Variants in ADAM32 observed in about 807,000 individuals in gnomAD.
ADAM32 encodes the protein ADAM metallopeptidase domain 32, also known as disintegrin and metalloproteinase domain-containing protein 32.
Under a neutral mutation model 114.9 loss-of-function variants are expected in ADAM32, and 89 were observed. The ratio of observed to expected loss-of-function variants is 0.77; its 90% CI spans 0.65 to 0.92. The LOEUF (loss-of-function observed/expected upper bound fraction) is 0.92. Among genes scored for constraint, ADAM32 ranks in the 40% least tolerant of loss-of-function variants. The pLI, the probability that ADAM32 is intolerant of heterozygous loss-of-function variation, is 0.00. For missense variants in ADAM32, 870 were observed against 932.8 expected, an observed-to-expected ratio of 0.93 and a Z score of 0.88; for synonymous variants, 285 against 307.5, an observed-to-expected ratio of 0.93 and a Z score of 0.77.
At chr8:39,156,941 T>C (rs1168739923) in intron 6 of ADAM32, among the ~76,000 whole-genome samples, 1 of 152,220 alleles carries the variant, frequency 6.6e-6, no homozygotes, top group Non-Finnish European at 1.5e-5. Context: ...TGAATTTTAC[T>C]GGGATACCAT....
intron 10 of ADAM32, 119 bp from the exon 11 acceptor site, chr8:39,186,790 C>T (rs1806269573): frequency 1.2e-6 from 1 of 833,620 alleles, no homozygotes; most frequent in African/African-American, 1.7e-5. Context: ...TTCAAGGATC[C>T]ATATCTCCCT....
intron 12 of ADAM32, among the ~76,000 whole-genome samples, chr8:39,215,537 C>G (rs182921203): frequency 6.6e-6 from 1 of 151,864 alleles, no homozygotes; most frequent in African/African-American, 2.4e-5. Flanking sequence ...TATAAACATA[C>G]CTTTTAGTAC....
intron 1 of ADAM32, among the ~76,000 whole-genome samples, chr8:39,113,663 A>T (rs536267696): frequency 6.6e-6 from 1 of 152,208 alleles, no homozygotes; most frequent in South Asian, 2.1e-4. Flanking sequence ...CTTCTACCAC[A>T]TTCTGGCATG....
chr8:39,129,072 CAT>C (rs1225783338), intron 2 of ADAM32, among the ~76,000 whole-genome samples: 2 of 150,174 alleles, frequency 1.3e-5, no homozygotes, highest in African/African-American at 4.9e-5. Flanking sequence ...GTTTATTAAT[CAT>C]GTGTCTTGCC....
intron 20 of ADAM32, among the ~76,000 whole-genome samples, chr8:39,272,551 T>C (rs926589785): frequency 6.6e-6 from 1 of 152,208 alleles, no homozygotes; most frequent in African/African-American, 2.4e-5. Flanking sequence ...TGATTAAGTA[T>C]GTATTGAAAC....
intron 24 of ADAM32, 120 bp downstream of exon 24, chr8:39,283,744 C>T: frequency 1.8e-6 from 1 of 560,746 alleles, no homozygotes; most frequent in Non-Finnish European, 2.9e-6. Context: ...AGTACTGCAC[C>T]AATAAATAAC....
At chr8:39,265,141 G>T (rs547434323) in intron 19 of ADAM32, among the ~76,000 whole-genome samples, 3 of 152,082 alleles carry the variant, frequency 2.0e-5, no homozygotes, top group East Asian at 1.9e-4. Context: ...ACATCTCTTC[G>T]TAGGTCTCTA....
chr8:39,194,751 G>T (rs911649684), intron 11 of ADAM32, among the ~76,000 whole-genome samples: 1 of 152,156 alleles, frequency 6.6e-6, no homozygotes, highest in African/African-American at 2.4e-5. Context: ...CATCTCATGG[G>T]CAAGACTGCT....
chr8:39,198,757 C>T (rs955382145), intron 11 of ADAM32, among the ~76,000 whole-genome samples: 3 of 151,808 alleles, frequency 2.0e-5, no homozygotes, highest in Admixed American at 1.3e-4. Context: ...TTTCTCTTCT[C>T]CTTTTCTTTT....
rs57362503 is a variant in ADAM32, at chr8:39,124,414, CTTT to C, written c.138+6262_138+6264del. 9.7e-4 allele frequency among the ~76,000 whole-genome samples: 133 copies of C among 136,662 alleles called. 2 individuals are homozygous for C. The Middle Eastern group carries it at 0.018, about 19-fold the overall frequency. The allele number at this position is 136,662 out of a possible 152,430, so 89.7% of individuals were successfully genotyped here. A position where few individuals can be genotyped will look rare whatever the true frequency, so the allele number is the denominator to read the frequency against. On this transcript the variant is annotated intron_variant, in intron 2 of 24. Coordinates refer to ENST00000379907, the MANE Select transcript of ADAM32 (RefSeq NM_145004.7). Reference sequence around the variant, plus strand: ...TATAGATTTACCACATTTTCTTTTTCTTTTTTTTTTTTTTTATTTTTGAGACGG... The same window carrying C: ...TATAGATTTACCACATTTTCTTTTTCTTTTTTTTTTTTATTTTTGAGACGG...
chr8:39,114,797 T>C (rs1840308801), intron 1 of ADAM32, among the ~76,000 whole-genome samples: 1 of 152,220 alleles, frequency 6.6e-6, no homozygotes, highest in South Asian at 2.1e-4. Flanking sequence ...TGGGGTTCTA[T>C]GTACAAATGA....
intron 19 of ADAM32, among the ~76,000 whole-genome samples, chr8:39,270,019 T>G (rs1471978092): frequency 6.9e-6 from 1 of 145,300 alleles, no homozygotes; most frequent in Non-Finnish European, 1.5e-5. Flanking sequence ...TCAGATCTCA[T>G]GAGAACTCAT....
rs1019657299 is a variant in ADAM32, at chr8:39,156,383, A to G, written c.526-4514A>G. On this transcript the variant is annotated intron_variant, in intron 6 of 24. Transcript: ENST00000379907. ...TAGTCTCAAACTCCTGGACTCAAGCAGTCCTCCCATTTTGGCCTTCCAGAG... is the reference window on the plus strand; with the variant it reads ...TAGTCTCAAACTCCTGGACTCAAGCGGTCCTCCCATTTTGGCCTTCCAGAG... Among the ~76,000 whole-genome samples the G allele has an allele frequency of 3.3e-5, 5 of 152,314 alleles. No individual in the cohort carries two copies. The South Asian group carries it at 1.0e-3, about 32-fold the overall frequency.
chr8:39,125,995 T>A (rs140685841), intron 2 of ADAM32, among the ~76,000 whole-genome samples: 239 of 152,222 alleles, frequency 1.6e-3, no homozygotes, highest in African/African-American at 5.4e-3. Context: ...TATTTCTGAG[T>A]TCTCTATTCT....
rs1336086788 is a variant in ADAM32, at chr8:39,107,817, C to G, written c.42C>G (p.Leu14=). ...LWLLLAGLCG[L]LASRPGFQNS... ...TGCTGCTGGCCGGGCTCTGCGGCCT[C>G]CTGGCGTCAAGACCCGGTGAGCCAG... The change falls in exon 1 of 25, where the codon CTC becomes CTG. Residue 14 remains leucine (L), a synonymous_variant. Coordinates refer to ENST00000379907, the MANE Select transcript of ADAM32 (RefSeq NM_145004.7). The G allele has an allele frequency of 6.5e-7, 1 of 1,547,872 alleles. No individual in the cohort carries two copies. The highest frequency in any genetic ancestry group is 8.7e-7 in the Non-Finnish European group (1 of 1,145,686).
chr8:39,129,333 A>G (rs180866734), intron 2 of ADAM32, among the ~76,000 whole-genome samples: 81 of 152,096 alleles, frequency 5.3e-4, no homozygotes, highest in Admixed American at 2.7e-3. Context: ...TTTCTTGTTA[A>G]CTAGTGAGGT....
chr8:39,225,598 A>G (rs1809308071), intron 14 of ADAM32, among the ~76,000 whole-genome samples: 1 of 152,148 alleles, frequency 6.6e-6, no homozygotes, highest in Non-Finnish European at 1.5e-5. Context: ...ATCTTTCACC[A>G]TTGAAAACCC....
At chr8:39,222,938 G>A (rs1809082431) in intron 13 of ADAM32, 102 bp from the exon 14 acceptor site, 2 of 912,736 alleles carry the variant, frequency 2.2e-6, no homozygotes, top group Non-Finnish European at 3.2e-6. Context: ...TACATTAATG[G>A]ATAGACTAAA....
At chr8:39,190,938 C>G (rs1806561133) in intron 11 of ADAM32, among the ~76,000 whole-genome samples, 2 of 152,110 alleles carry the variant, frequency 1.3e-5, no homozygotes, top group Middle Eastern at 3.2e-3. Context: ...TCAAGTAGGA[C>G]CCAGTGTCTA....
Sources: gnomAD v4.1 joint callset for allele counts (sites outside exome capture counted in the v4.1 genomes callset) on GRCh38, gnomAD v4.1.1 for gene constraint, MANE v1.5 for transcripts, NCBI Gene and HGNC (gene_info 2026-07-23, HGNC 2026-07-21) for gene names.